The following MYBL1 variants were observed in gnomAD, a reference collection of about 807,000 sequenced individuals.
MYBL1 encodes MYB proto-oncogene like 1, also known as myb-related protein A.
In MYBL1, 17 loss-of-function variants were observed where a neutral mutation model predicts 96.3. The ratio of observed to expected loss-of-function variants is 0.18; its 90% CI spans 0.12 to 0.26. The LOEUF (loss-of-function observed/expected upper bound fraction) is 0.26. Among genes scored for constraint, MYBL1 ranks in the 10% least tolerant of loss-of-function variants. The probability of loss-of-function intolerance (pLI) is 1.00; values close to 1 mark genes in which losing one functional copy is unlikely to be tolerated. For missense variants in MYBL1, 701 were observed against 882.9 expected, an observed-to-expected ratio of 0.79 and a Z score of 2.61; for synonymous variants, 282 against 292.7, an observed-to-expected ratio of 0.96 and a Z score of 0.37.
chr8:66,579,231 A>C (rs899155832), intron 9 of MYBL1, among the ~76,000 whole-genome samples: 2 of 152,048 alleles, frequency 1.3e-5, no homozygotes, highest in African/African-American at 4.8e-5. Flanking sequence ...AAAGTATAAT[A>C]ATAATAAAAA....
intron 8 of MYBL1, among the ~76,000 whole-genome samples, chr8:66,590,202 A>G (rs1418462914): frequency 3.9e-5 from 6 of 152,232 alleles, no homozygotes; most frequent in Admixed American, 3.9e-4. Context: ...CAGTTGCCTC[A>G]TAATACTATT....
intron 6 of MYBL1, among the ~76,000 whole-genome samples, chr8:66,594,361 G>A (rs1009143798): frequency 4.6e-5 from 7 of 151,954 alleles, no homozygotes; most frequent in African/African-American, 1.7e-4. Context: ...ATCTGTGACA[G>A]TATTTTAAAC....
At chr8:66,564,865 A>C in intron 15 of MYBL1, 40 bp from the exon 16 acceptor site, 2 of 1,424,536 alleles carry the variant, frequency 1.4e-6, no homozygotes, top group South Asian at 2.7e-5. Flanking sequence ...AAATTATTAA[A>C]ATAGCTATCT....
At chr8:66,608,057 A>T (rs554795458) in intron 1 of MYBL1, among the ~76,000 whole-genome samples, 172 of 152,324 alleles carry the variant, frequency 1.1e-3, no homozygotes, top group Non-Finnish European at 1.8e-3. Flanking sequence ...ACATTTAATC[A>T]TACGAAACCC....
chr8:66,566,452 T>C (rs1808505852), intron 14 of MYBL1, among the ~76,000 whole-genome samples: 1 of 152,040 alleles, frequency 6.6e-6, no homozygotes, highest in South Asian at 2.1e-4. Flanking sequence ...CTACGATTTT[T>C]TGACATCAGA....
chr8:66,603,076 A>T (rs969026569), intron 1 of MYBL1, among the ~76,000 whole-genome samples: 2 of 152,008 alleles, frequency 1.3e-5, no homozygotes, highest in African/African-American at 4.8e-5. Flanking sequence ...CACCAAACAC[A>T]TGAGGTTGGA....
intron 9 of MYBL1, among the ~76,000 whole-genome samples, chr8:66,579,029 A>C (rs1344995057): frequency 6.6e-6 from 1 of 152,024 alleles, no homozygotes; most frequent in East Asian, 1.9e-4. Flanking sequence ...GAATTGAACA[A>C]TGAGAACATA....
Position 66,562,768 on chromosome 8 carries a change from C to T in MYBL1, c.*1929G>A, listed in dbSNP as rs760661689. On this transcript the variant is annotated 3_prime_UTR_variant, in exon 16 of 16. Coordinates refer to ENST00000522677, the MANE Select transcript of MYBL1 (RefSeq NM_001080416.4). The stretch of plus-strand genomic sequence containing the variant: ...ATGAGTTTGCTACAATCATTGGTTT[C>T]ACTAAGTGAAATTTCTGTGAGAAGT... 2 of 152,396 alleles carry T rather than the reference C, an allele frequency of 1.3e-5. No individual in the cohort carries two copies. Among genetic ancestry groups the T allele is most frequent in the Admixed American group, 6.6e-5 (1 of 15,240 alleles). 9.4% of individuals were successfully genotyped at this position (152,396 alleles called of 1,614,324 possible). A position where few individuals can be genotyped will look rare whatever the true frequency, so the allele number is the denominator to read the frequency against.
At chr8:66,602,722 TATATATA>T (rs1563551145) in intron 1 of MYBL1, among the ~76,000 whole-genome samples, 199 bp from the exon 2 acceptor site, 32 of 47,614 alleles carry the variant, frequency 6.7e-4, no homozygotes, top group African/African-American at 3.2e-3. Flanking sequence ...TATATATATA[TATATATA>T]TATATTTTTT....
chr8:66,594,560 A>G (rs950766773), intron 6 of MYBL1, among the ~76,000 whole-genome samples: 3 of 152,182 alleles, frequency 2.0e-5, no homozygotes, highest in African/African-American at 7.2e-5. Flanking sequence ...TCTTTCTACG[A>G]GTTAAAAAAA....
At position 66,576,325 on chromosome 8, in the gene MYBL1, A is replaced by G; in HGVS notation, c.1152T>C (p.Ala384=). 1 of 1,613,862 alleles carries G rather than the reference A, an allele frequency of 6.2e-7. No homozygotes were observed. Among genetic ancestry groups the G allele is most frequent in the Non-Finnish European group, 8.5e-7 (1 of 1,179,838 alleles). ...DVTSFDISDA[A]ASPIKSTPVK... The stretch of plus-strand genomic sequence containing the variant: ...CTGGGGTGGATTTGATAGGAGAAGC[A>G]GCAGCATCAGAAATATCAAAACTGG... Residue 384 remains alanine, a synonymous_variant, in exon 10 of 16, where the codon GCT becomes GCC. Transcript: ENST00000522677.
chr8:66,595,952 A>C (rs1809834872), intron 5 of MYBL1, among the ~76,000 whole-genome samples, 195 bp from the exon 6 acceptor site: 1 of 152,166 alleles, frequency 6.6e-6, no homozygotes, highest in Admixed American at 6.6e-5. Flanking sequence ...CTGTATGTGC[A>C]TATGTCAGGC....
At chr8:66,595,809 A>C in intron 5 of MYBL1, 52 bp from the exon 6 acceptor site, 1 of 1,234,810 alleles carries the variant, frequency 8.1e-7, no homozygotes, top group Non-Finnish European at 1.1e-6. Flanking sequence ...CACAGATTTC[A>C]ACACTGTGTT....
At chr8:66,582,950 A>G (rs899840279) in intron 8 of MYBL1, among the ~76,000 whole-genome samples, 1 of 152,142 alleles carries the variant, frequency 6.6e-6, no homozygotes, top group East Asian at 1.9e-4. Flanking sequence ...AGACAGAAAA[A>G]TCAACAAAGA....
chr8:66,587,512 C>G (rs1311329397), intron 8 of MYBL1, among the ~76,000 whole-genome samples: 1 of 152,120 alleles, frequency 6.6e-6, no homozygotes, highest in Non-Finnish European at 1.5e-5. Context: ...ATTTACTTAT[C>G]TTGCAAGCCT....
At chr8:66,572,912 A>G (rs1468085294) in intron 11 of MYBL1, among the ~76,000 whole-genome samples, 1 of 152,132 alleles carries the variant, frequency 6.6e-6, no homozygotes, top group African/African-American at 2.4e-5. Context: ...ACATAAGGTT[A>G]TGATTTAAAA....
In MYBL1 at chr8:66,586,403, T is replaced by C. The variant is rs62512605; in HGVS notation, c.867+6037A>G. On this transcript the variant is annotated intron_variant, in intron 8 of 15. Coordinates refer to ENST00000522677, the MANE Select transcript of MYBL1 (RefSeq NM_001080416.4). ...AACCAATATTTCTCAAAAGAAAACATACAAATGGACAATGGGTATATTAAA... is the reference window on the plus strand; with the variant it reads ...AACCAATATTTCTCAAAAGAAAACACACAAATGGACAATGGGTATATTAAA... Among the ~76,000 whole-genome samples the C allele has an allele frequency of 5.4e-3, 824 of 152,150 alleles. 3 individuals are homozygous for C. The highest frequency in any genetic ancestry group is 0.014 in the Middle Eastern group (4 of 294).
chr8:66,574,829 C>A (rs928497683), intron 10 of MYBL1, among the ~76,000 whole-genome samples: 1 of 152,082 alleles, frequency 6.6e-6, no homozygotes, highest in Admixed American at 6.5e-5. Flanking sequence ...CCGAGGCGGG[C>A]AGATCACCTA....
At chr8:66,587,293 A>G (rs568391374) in intron 8 of MYBL1, among the ~76,000 whole-genome samples, 8 of 152,320 alleles carry the variant, frequency 5.3e-5, no homozygotes, top group East Asian at 3.9e-4. Flanking sequence ...CACATTGCAT[A>G]CATGTATCAA....
Sources: gnomAD v4.1 joint callset for allele counts (sites outside exome capture counted in the v4.1 genomes callset) on GRCh38, gnomAD v4.1.1 for gene constraint, MANE v1.5 for transcripts, NCBI Gene and HGNC (gene_info 2026-07-23, HGNC 2026-07-21) for gene names.